The following COL2A1 variants were observed in gnomAD, a reference collection of about 807,000 sequenced individuals.
COL2A1 encodes collagen type II alpha 1 chain.
A neutral mutation model predicts 204.5 loss-of-function variants in COL2A1; 28 were observed. The observed-to-expected ratio is 0.14, with a 90% CI of 0.10 to 0.19. COL2A1 has a LOEUF of 0.19. COL2A1 is among the 10% of genes least tolerant of loss of function. The pLI is 1.00. For synonymous variants in COL2A1, 708 were observed against 718.7 expected, an observed-to-expected ratio of 0.99 and a Z score of 0.24; for missense variants, 1,388 against 2,027.5, an observed-to-expected ratio of 0.68 and a Z score of 6.06.
intron 29 of COL2A1, 121 bp from the exon 30 acceptor site, chr12:47,983,857 G>T: frequency 9.3e-7 from 1 of 1,071,070 alleles, no homozygotes; most frequent in Non-Finnish European, 1.4e-6. Context: ...GCACCACTCA[G>T]ACAGTGCATG....
intron 50 of COL2A1, 48 bp downstream of exon 50, chr12:47,975,915 C>T (rs552966715): frequency 1.6e-5 from 23 of 1,442,650 alleles, no homozygotes; most frequent in African/African-American, 4.2e-5. Context: ...TCAAGCCTCC[C>T]GGATGGTAGG....
chr12:47,991,683 C>T (rs992784774), intron 16 of COL2A1, among the ~76,000 whole-genome samples: 9 of 152,202 alleles, frequency 5.9e-5, no homozygotes, highest in African/African-American at 1.7e-4. Flanking sequence ...AGAAGCAGGG[C>T]GGCTGTGCCC....
At chr12:47,985,872 C>G in intron 24 of COL2A1, 40 bp downstream of exon 24, 1 of 1,572,826 alleles carries the variant, frequency 6.4e-7, no homozygotes, top group Non-Finnish European at 8.6e-7. Flanking sequence ...GTGACCTCAG[C>G]GATGCAGGGA....
intron 35 of COL2A1, 114 bp from the exon 36 acceptor site, chr12:47,981,943 A>G: frequency 7.7e-7 from 1 of 1,305,676 alleles, no homozygotes; most frequent in South Asian, 1.2e-5. Flanking sequence ...GCTCCCACTT[A>G]CCCTCTGGCC....
At position 47,985,835 on chromosome 12, in the gene COL2A1, G is replaced by A; in HGVS notation, c.1582-9C>T. 6.2e-7 allele frequency: 1 copy of A among 1,605,270 alleles called. No homozygotes were observed. The highest frequency in any genetic ancestry group is 8.5e-7 in the Non-Finnish European group (1 of 1,175,538). On this transcript the variant is annotated splice_polypyrimidine_tract_variant and intron_variant, in intron 24 of 53. Coordinates refer to ENST00000380518, the MANE Select transcript of COL2A1 (RefSeq NM_001844.5). ...CGCTCTCCAGGGGCTCCCTACAAGG[G>A]TACACAGGGAGTCAGTGGGATACCA...
rs3737548 is a variant in COL2A1, at chr12:47,997,633, G to A, written c.504C>T (p.Gly168=). The change falls in exon 7 of 54, where the codon GGC becomes GGT. Residue 168 remains glycine, a synonymous_variant. Transcript: ENST00000380518. The part of the protein sequence containing the change: ...PGNPGPPGPP[G]PPGPPGLGGN... The stretch of plus-strand genomic sequence containing the variant: ...CACCAAGACCAGGGGGACCAGGGGG[G>A]CCGGGAGGACCAGGGGGGCCAGGAT... 1.2e-6 allele frequency: 2 copies of A among 1,613,466 alleles called. No homozygotes were observed. The highest frequency in any genetic ancestry group is 2.2e-5 in the East Asian group (1 of 44,854).
Sources: gnomAD v4.1 joint callset for allele counts (sites outside exome capture counted in the v4.1 genomes callset) on GRCh38, gnomAD v4.1.1 for gene constraint, MANE v1.5 for transcripts, NCBI Gene and HGNC (gene_info 2026-07-23, HGNC 2026-07-21) for gene names.